Variants in OSBPL8 observed in about 807,000 individuals in gnomAD.
OSBPL8 encodes oxysterol binding protein like 8, also known as oxysterol-binding protein-related protein 8.
A neutral mutation model predicts 125.5 loss-of-function variants in OSBPL8; 59 were observed. The ratio of observed to expected loss-of-function variants is 0.47; its 90% CI spans 0.38 to 0.58. The LOEUF (loss-of-function observed/expected upper bound fraction) is 0.58. OSBPL8 is among the 20% of genes least tolerant of loss of function. OSBPL8 has a pLI of 0.00. For missense variants in OSBPL8, 758 were observed against 1,047.8 expected (o/e 0.72, Z 3.82); for synonymous variants, 330 against 338.9 (o/e 0.97, Z 0.29).
chr12:76,426,275 G>A (rs1870136824), intron 4 of OSBPL8, among the ~76,000 whole-genome samples: 1 of 152,158 alleles, frequency 6.6e-6, no homozygotes, highest in Non-Finnish European at 1.5e-5. Flanking sequence ...TCTGAGTTCT[G>A]TCTATAAATA....
Position 76,548,217 on chromosome 12 carries a change from T to C in OSBPL8, c.-68+11180A>G, listed in dbSNP as rs528362324. ...ACAGTAAAGAAATTAAAATTGAGGCTAGAAAGAAAATCCAACAAATTTCTG... is the reference window on the plus strand; with the variant it reads ...ACAGTAAAGAAATTAAAATTGAGGCCAGAAAGAAAATCCAACAAATTTCTG... On this transcript the variant is annotated intron_variant, in intron 1 of 23. Coordinates refer to ENST00000261183, the MANE Select transcript of OSBPL8 (RefSeq NM_020841.5). Among the ~76,000 whole-genome samples, 13 of 151,956 alleles carry C rather than the reference T, an allele frequency of 8.6e-5. No individual in the cohort carries two copies. In the East Asian group the frequency reaches 2.5e-3, roughly 29 times the overall value.
intron 1 of OSBPL8, among the ~76,000 whole-genome samples, chr12:76,499,707 C>T (rs1335955866): frequency 4.6e-5 from 7 of 151,944 alleles, no homozygotes; most frequent in African/African-American, 1.7e-4. Context: ...AAAAATTAGC[C>T]GGGCATGGTG....
At chr12:76,494,319 A>G (rs1879049814) in intron 1 of OSBPL8, among the ~76,000 whole-genome samples, 4 of 152,288 alleles carry the variant, frequency 2.6e-5, no homozygotes. Context: ...CTATGGCTAC[A>G]TTCTAGGGCA....
At chr12:76,508,257 A>G (rs1049844334) in intron 1 of OSBPL8, among the ~76,000 whole-genome samples, 1 of 152,266 alleles carries the variant, frequency 6.6e-6, no homozygotes, top group Non-Finnish European at 1.5e-5. Flanking sequence ...TTGACTAAAA[A>G]AAGAAGTCAG....
intron 5 of OSBPL8, among the ~76,000 whole-genome samples, chr12:76,410,318 T>C (rs1316709300): frequency 1.3e-5 from 2 of 152,160 alleles, no homozygotes; most frequent in Non-Finnish European, 1.5e-5. Context: ...AGTGCTGCTA[T>C]AGCAGAGATA....
chr12:76,401,645 GC>G (rs1954057769), intron 6 of OSBPL8, among the ~76,000 whole-genome samples: 2 of 152,110 alleles, frequency 1.3e-5, no homozygotes, highest in African/African-American at 4.8e-5. Context: ...GGCCTATACT[GC>G]TTCTATAATA....
intron 1 of OSBPL8, among the ~76,000 whole-genome samples, chr12:76,526,777 A>G (rs1950191831): frequency 6.7e-6 from 1 of 149,748 alleles, no homozygotes; most frequent in African/African-American, 2.5e-5. Flanking sequence ...CAGTCTCTCA[A>G]GTAGCTGGGA....
chr12:76,356,162 T>TGGGGGGGGGGGGGGGGGTATGGGGGGGG, intron 23 of OSBPL8, 141 bp from the exon 24 acceptor site: 1 of 131,274 alleles, frequency 7.6e-6, no homozygotes, highest in Non-Finnish European at 1.6e-5. Context: ...TATGTAGGGG[T>TGGGGGGGGGGGGGGGGGTATGGGGGGGG]GGGGGGGGGC....
intron 1 of OSBPL8, among the ~76,000 whole-genome samples, chr12:76,498,480 G>C (rs1879517785): frequency 6.6e-6 from 1 of 152,282 alleles, no homozygotes; most frequent in African/African-American, 2.4e-5. Flanking sequence ...TACTTTCACT[G>C]TTTCACTCAT....
chr12:76,422,657 C>T (rs1869643797), intron 4 of OSBPL8: 1 of 456,348 alleles, frequency 2.2e-6, no homozygotes. Context: ...TTTCATAGCT[C>T]AGAAGGTCTA....
At chr12:76,530,125 T>C (rs555171567) in intron 1 of OSBPL8, among the ~76,000 whole-genome samples, 1 of 152,134 alleles carries the variant, frequency 6.6e-6, no homozygotes, top group East Asian at 1.9e-4. Context: ...AAGATCATAG[T>C]TCACTATAAT....
intron 12 of OSBPL8, among the ~76,000 whole-genome samples, chr12:76,388,792 A>G (rs1953432339): frequency 6.6e-6 from 1 of 152,014 alleles, no homozygotes; most frequent in Non-Finnish European, 1.5e-5. Context: ...GGAGGTTAAC[A>G]TTTTGTCTAC....
intron 1 of OSBPL8, among the ~76,000 whole-genome samples, chr12:76,494,359 T>C (rs1290163812): frequency 6.6e-6 from 1 of 152,112 alleles, no homozygotes; most frequent in African/African-American, 2.4e-5. Context: ...TTACTCTAAG[T>C]GATATGAGAA....
At chr12:76,428,665 C>A (rs1011536264) in intron 4 of OSBPL8, among the ~76,000 whole-genome samples, 2 of 151,974 alleles carry the variant, frequency 1.3e-5, no homozygotes, top group Admixed American at 1.3e-4. Context: ...TCAACCAACA[C>A]GAATTTAAGA....
intron 5 of OSBPL8, among the ~76,000 whole-genome samples, chr12:76,404,103 T>C (rs1167105062): frequency 6.6e-6 from 1 of 152,160 alleles, no homozygotes; most frequent in East Asian, 1.9e-4. Flanking sequence ...TTGGGAAAGT[T>C]ACTCCTTTAA....
intron 4 of OSBPL8, among the ~76,000 whole-genome samples, chr12:76,428,419 A>G (rs1870413184): frequency 6.6e-6 from 1 of 152,144 alleles, no homozygotes; most frequent in African/African-American, 2.4e-5. Context: ...AATGGCAAAC[A>G]TAGCAGATAT....
At chr12:76,394,793 C>T in intron 8 of OSBPL8, 64 bp from the exon 9 acceptor site, 2 of 1,123,568 alleles carry the variant, frequency 1.8e-6, no homozygotes, top group Non-Finnish European at 2.6e-6. Context: ...CATCTTTACA[C>T]TATCCAATAT....
chr12:76,516,816 T>A (rs1881582753), intron 1 of OSBPL8, among the ~76,000 whole-genome samples: 1 of 144,896 alleles, frequency 6.9e-6, no homozygotes, highest in African/African-American at 2.6e-5. Context: ...TCTTTTCTTT[T>A]CTTTTTTTTT....
intron 16 of OSBPL8, among the ~76,000 whole-genome samples, chr12:76,377,238 G>A (rs185680320): frequency 1.3e-5 from 2 of 152,258 alleles, no homozygotes; most frequent in Admixed American, 6.5e-5. Flanking sequence ...ATAAACATAC[G>A]TGTACATGTG....
Sources: allele counts gnomAD v4.1 joint callset (sites outside exome capture counted in the v4.1 genomes callset), GRCh38; gene constraint gnomAD v4.1.1; transcripts MANE v1.5; gene names NCBI Gene and HGNC (gene_info 2026-07-23, HGNC 2026-07-21).